The following PPIH variants were observed in gnomAD, a reference collection of about 807,000 sequenced individuals.
PPIH encodes the protein peptidylprolyl isomerase H, also known as peptidyl-prolyl cis-trans isomerase H.
Under a neutral mutation model 27.6 loss-of-function variants are expected in PPIH, and 16 were observed. The observed-to-expected ratio is 0.58, with a 90% CI of 0.39 to 0.88. The LOEUF (loss-of-function observed/expected upper bound fraction) is 0.88, where lower values mean the gene tolerates loss of function less well. Ranked by LOEUF, PPIH falls within the 40% of genes least tolerant of loss-of-function variation. The pLI is 0.00. For synonymous variants in PPIH, 63 were observed against 76.1 expected, an observed-to-expected ratio of 0.83 and a Z score of 0.90; for missense variants, 155 against 224.1, an observed-to-expected ratio of 0.69 and a Z score of 1.97.
At chr1:42,678,681 G>A (rs929163959), downstream of PPIH, 1 of 152,320 alleles carries the variant, frequency 6.6e-6, no homozygotes, top group African/African-American at 2.4e-5. Context: ...TTACAGGCGT[G>A]AGCCACCACG....
At chr1:42,660,618 C>G (rs1648954123) in intron 4 of PPIH, among the ~76,000 whole-genome samples, 2 of 152,040 alleles carry the variant, frequency 1.3e-5, no homozygotes, top group African/African-American at 4.8e-5. Flanking sequence ...TTAGTAGAGA[C>G]GGGGTTTTGC....
chr1:42,674,149 G>A (rs1044697777), intron 9 of PPIH, among the ~76,000 whole-genome samples: 2 of 152,228 alleles, frequency 1.3e-5, no homozygotes, highest in Admixed American at 6.5e-5. Flanking sequence ...GTACAATAAA[G>A]CCCTGTATTG....
downstream of PPIH, among the ~76,000 whole-genome samples, chr1:42,679,765 TG>T (rs1649976737): frequency 6.6e-6 from 1 of 152,258 alleles, no homozygotes; most frequent in African/African-American, 2.4e-5. Flanking sequence ...TCCTCAGTGT[TG>T]GCAGGACTGC....
At chr1:42,675,088 T>TA (rs1209387622) in intron 9 of PPIH, among the ~76,000 whole-genome samples, 1 of 152,246 alleles carries the variant, frequency 6.6e-6, no homozygotes, top group African/African-American at 2.4e-5. Flanking sequence ...GTAAGCATGT[T>TA]ACTGTTTATT....
chr1:42,672,650 ATTTTTT>A (rs552835482), intron 9 of PPIH, among the ~76,000 whole-genome samples: 1 of 144,698 alleles, frequency 6.9e-6, no homozygotes, highest in Non-Finnish European at 1.5e-5. Context: ...TTTGTGTACA[ATTTTTT>A]TTTTTTTTAA....
intron 9 of PPIH, among the ~76,000 whole-genome samples, chr1:42,670,214 T>C (rs970049815): frequency 9.2e-5 from 14 of 152,198 alleles, no homozygotes; most frequent in African/African-American, 3.4e-4. Context: ...CTTGACACCC[T>C]GAGCTTTCCT....
At chr1:42,669,636 A>G (rs1649524047) in intron 9 of PPIH, among the ~76,000 whole-genome samples, 1 of 152,212 alleles carries the variant, frequency 6.6e-6, no homozygotes, top group African/African-American at 2.4e-5. Context: ...TCTTCAGAAT[A>G]TATTTTAAGA....
chr1:42,675,518 T>G (rs543564056), intron 9 of PPIH, among the ~76,000 whole-genome samples: 1 of 152,222 alleles, frequency 6.6e-6, no homozygotes, highest in Non-Finnish European at 1.5e-5. Context: ...TAGTGCCTGG[T>G]ATGACAGAGC....
chr1:42,681,143 G>A (rs1257752076), downstream of PPIH: 1 of 152,012 alleles, frequency 6.6e-6, no homozygotes, highest in Non-Finnish European at 1.5e-5. Flanking sequence ...TTAAAAAGAT[G>A]CCCCTCCCTA....
intron 9 of PPIH, among the ~76,000 whole-genome samples, chr1:42,674,603 T>C (rs1649796150): frequency 6.6e-6 from 1 of 152,184 alleles, no homozygotes; most frequent in African/African-American, 2.4e-5. Context: ...ATCAGGCCAA[T>C]ATGAACCACT....
chr1:42,666,985 C>T (rs1221781620), intron 8 of PPIH, among the ~76,000 whole-genome samples: 1 of 152,138 alleles, frequency 6.6e-6, no homozygotes, highest in Non-Finnish European at 1.5e-5. Flanking sequence ...ACACAGTTTC[C>T]TCTAGCCGGA....
At chr1:42,672,929 G>A (rs187650754) in intron 9 of PPIH, among the ~76,000 whole-genome samples, 19 of 152,048 alleles carry the variant, frequency 1.2e-4, no homozygotes, top group East Asian at 1.2e-3. Context: ...GATTACAGGC[G>A]TGAGCCACCA....
At chr1:42,672,138 C>A (rs1649671793) in intron 9 of PPIH, among the ~76,000 whole-genome samples, 1 of 152,178 alleles carries the variant, frequency 6.6e-6, no homozygotes, top group African/African-American at 2.4e-5. Context: ...CCGCCTCGGA[C>A]TCCCAAAGTG....
intron 6 of PPIH, 100 bp from the exon 7 acceptor site, chr1:42,665,880 A>C: frequency 1.0e-6 from 1 of 977,222 alleles, no homozygotes. Flanking sequence ...TTACTGAAAA[A>C]AACCATAGAG....
chr1:42,676,422 C>T (rs969494796), intron 9 of PPIH, among the ~76,000 whole-genome samples, 162 bp from the exon 10 acceptor site: 19 of 151,588 alleles, frequency 1.3e-4, no homozygotes, highest in African/African-American at 4.6e-4. Flanking sequence ...GAGCCGAGAT[C>T]GCGCCACTGT....
At chr1:42,658,596 A>G (rs1648792231) in intron 1 of PPIH, 84 bp downstream of exon 1, 11 of 1,459,828 alleles carry the variant, frequency 7.5e-6, no homozygotes, top group Non-Finnish European at 1.0e-5. Context: ...GAGAGAGCGG[A>G]CTCGGGAAGC....
chr1:42,680,067 A>C (rs1458498401), downstream of PPIH, among the ~76,000 whole-genome samples: 1 of 152,282 alleles, frequency 6.6e-6, no homozygotes, highest in East Asian at 1.9e-4. Flanking sequence ...CAGTGTGTTA[A>C]GATGGGAGGG....
At chr1:42,658,954 G>A (rs1557508116) in intron 2 of PPIH, 46 bp downstream of exon 2, 4 of 1,597,824 alleles carry the variant, frequency 2.5e-6, no homozygotes, top group Admixed American at 1.7e-5. Flanking sequence ...GGCAGAAGTC[G>A]GGCTCCAGTC....
intron 4 of PPIH, among the ~76,000 whole-genome samples, chr1:42,660,298 T>C (rs2148709279): frequency 6.6e-6 from 1 of 152,380 alleles, no homozygotes; most frequent in South Asian, 2.1e-4. Context: ...TTCTTCTTAT[T>C]ACTGTTCAGG....
Sources: allele counts gnomAD v4.1 joint callset (sites outside exome capture counted in the v4.1 genomes callset), GRCh38; gene constraint gnomAD v4.1.1; transcripts MANE v1.5; gene names NCBI Gene and HGNC (gene_info 2026-07-23, HGNC 2026-07-21).